The following L3MBTL4 variants were observed in gnomAD, a reference collection of about 807,000 sequenced individuals.
The protein encoded by L3MBTL4 is L3MBTL histone methyl-lysine binding protein 4.
Under a neutral mutation model 84.5 loss-of-function variants are expected in L3MBTL4, and 70 were observed. The observed-to-expected ratio is 0.83, with a 90% CI of 0.68 to 1.01. The LOEUF is 1.01. Among genes scored for constraint, L3MBTL4 ranks in the 50% least tolerant of loss-of-function variants. L3MBTL4 has a pLI of 0.00. For missense variants in L3MBTL4, 715 were observed against 754.8 expected (o/e 0.95, Z 0.62); for synonymous variants, 274 against 259.8 (o/e 1.05, Z -0.52).
At chr18:6,044,535 G>A (rs530755401) in intron 16 of L3MBTL4, among the ~76,000 whole-genome samples, 3 of 152,332 alleles carry the variant, frequency 2.0e-5, no homozygotes, top group Non-Finnish European at 4.4e-5. Flanking sequence ...TGAATAAGAA[G>A]TAGAGGTGTT....
chr18:6,239,328 G>A (rs918677845), intron 9 of L3MBTL4, among the ~76,000 whole-genome samples: 1 of 134,148 alleles, frequency 7.5e-6, no homozygotes, highest in Non-Finnish European at 1.5e-5. Flanking sequence ...GCGACAGAGC[G>A]AGACTCCGTC....
Position 6,036,392 on chromosome 18 carries a change from C to T in L3MBTL4, c.1444+44489G>A, listed in dbSNP as rs577156006. On this transcript the variant is annotated intron_variant, in intron 16 of 18. Coordinates refer to ENST00000317931, the MANE Select transcript of L3MBTL4 (RefSeq NM_001330559.2). ...GTTTTTTTTTCCTGCTCAAATCTCC[C>T]TTTGAAGCCCTCTAGTAAAATTTTC... Among the ~76,000 whole-genome samples the T allele has an allele frequency of 4.6e-5, 7 of 152,210 alleles. No homozygotes were observed. In the East Asian group the frequency reaches 1.2e-3, roughly 25 times the overall value.
At position 5,958,041 on chromosome 18, in the gene L3MBTL4, G is replaced by A. The variant is rs377439539; in HGVS notation, c.1678-1654C>T. On this transcript the variant is annotated intron_variant, in intron 18 of 18. Coordinates refer to ENST00000317931, the MANE Select transcript of L3MBTL4 (RefSeq NM_001330559.2). ...GGAGAAGGAGAAAGAGGAGGAGGAG[G>A]AGGAGAAGGAGAAGGAGAAGGAGAA... Among the ~76,000 whole-genome samples the A allele has an allele frequency of 1.8e-3, 239 of 135,936 alleles. 1 individual carries two copies. Among genetic ancestry groups the A allele is most frequent in the Non-Finnish European group, 2.9e-3 (193 of 65,518 alleles). The allele number at this position is 135,936 out of a possible 152,430, so 89.2% of individuals were successfully genotyped here. A position where few individuals can be genotyped will look rare whatever the true frequency, so the allele number is the denominator to read the frequency against.
intron 16 of L3MBTL4, among the ~76,000 whole-genome samples, chr18:6,040,512 C>T (rs888107141): frequency 1.3e-5 from 2 of 152,208 alleles, no homozygotes; most frequent in Admixed American, 1.3e-4. Flanking sequence ...CTACTCCATA[C>T]TGCAAACAAT....
intron 13 of L3MBTL4, among the ~76,000 whole-genome samples, chr18:6,138,610 TGGCGCATCTC>T (rs1016738707): frequency 4.3e-4 from 66 of 152,282 alleles, no homozygotes; most frequent in African/African-American, 1.5e-3. Context: ...TGGAATGCAG[TGGCGCATCTC>T]GGCTCACTGC....
At chr18:6,071,815 G>GGAAA (rs201264000) in intron 16 of L3MBTL4, among the ~76,000 whole-genome samples, 32 of 116,282 alleles carry the variant, frequency 2.8e-4, no homozygotes, top group Admixed American at 5.0e-4. Flanking sequence ...AAGAAAGAAA[G>GGAAA]GAAAGAAAGA....
chr18:6,049,201 T>C (rs2056753872), intron 16 of L3MBTL4, among the ~76,000 whole-genome samples: 1 of 152,194 alleles, frequency 6.6e-6, no homozygotes, highest in African/African-American at 2.4e-5. Flanking sequence ...AATATTGGCC[T>C]TGAATTTGAC....
At chr18:6,309,728 G>A (rs1030436244) in intron 3 of L3MBTL4, among the ~76,000 whole-genome samples, 9 of 152,112 alleles carry the variant, frequency 5.9e-5, no homozygotes, top group African/African-American at 2.2e-4. Flanking sequence ...AGAGGCAAAC[G>A]GTTAAATACT....
intron 1 of L3MBTL4, among the ~76,000 whole-genome samples, chr18:6,340,629 A>G (rs979290545): frequency 1.3e-5 from 2 of 152,114 alleles, no homozygotes; most frequent in Non-Finnish European, 2.9e-5. Flanking sequence ...ACAGCCAGCC[A>G]TGGATCCTGC....
chr18:6,190,851 T>C (rs988636493), intron 12 of L3MBTL4, among the ~76,000 whole-genome samples: 1 of 151,740 alleles, frequency 6.6e-6, no homozygotes, highest in African/African-American at 2.4e-5. Context: ...GGGTTAGAGA[T>C]TTGGGCGTAT....
At chr18:6,245,512 A>C (rs897381227) in intron 5 of L3MBTL4, among the ~76,000 whole-genome samples, 6 of 151,904 alleles carry the variant, frequency 3.9e-5, no homozygotes, top group African/African-American at 1.2e-4. Flanking sequence ...AGTAAAATAT[A>C]TCAATTATTT....
chr18:6,273,618 G>T (rs1480089893), intron 4 of L3MBTL4, among the ~76,000 whole-genome samples: 1 of 152,230 alleles, frequency 6.6e-6, no homozygotes. Context: ...TACATTTGCG[G>T]ACAGCTGGGG....
intron 13 of L3MBTL4, among the ~76,000 whole-genome samples, chr18:6,143,026 A>C (rs540831067): frequency 2.0e-5 from 3 of 152,344 alleles, no homozygotes; most frequent in South Asian, 2.1e-4. Flanking sequence ...TATGCAAGCT[A>C]TCATTACAAA....
intron 1 of L3MBTL4, among the ~76,000 whole-genome samples, chr18:6,361,706 C>T (rs1711563180): frequency 6.6e-6 from 1 of 152,158 alleles, no homozygotes; most frequent in Non-Finnish European, 1.5e-5. Flanking sequence ...TCTGCTTCTT[C>T]AGCTGGCTGC....
rs2054323101 is a variant in L3MBTL4 at position 6,003,529 on chromosome 18, C to T, written c.1445-33967G>A. On this transcript the variant is annotated intron_variant, in intron 16 of 18. Transcript: ENST00000317931. ...AGAAGATAAGTAAATAAACAGAGGA[C>T]TTGTATGACACAATAAACCAATGAG... 3.3e-5 allele frequency among the ~76,000 whole-genome samples: 5 copies of T among 151,948 alleles called. No homozygotes were observed. In the South Asian group the frequency reaches 1.0e-3, roughly 32 times the overall value.
chr18:6,208,094 G>A (rs554244981), intron 12 of L3MBTL4, among the ~76,000 whole-genome samples: 4 of 151,004 alleles, frequency 2.6e-5, no homozygotes, highest in East Asian at 1.9e-4. Flanking sequence ...TAGCCTAGGC[G>A]ACAAAACAAG....
intron 10 of L3MBTL4, among the ~76,000 whole-genome samples, chr18:6,216,856 A>G (rs1384870993): frequency 6.6e-6 from 1 of 152,180 alleles, no homozygotes; most frequent in African/African-American, 2.4e-5. Context: ...TTACTACATA[A>G]TAGTTTCAGA....
chr18:6,386,610 C>T (rs163751), intron 1 of L3MBTL4, among the ~76,000 whole-genome samples: 6 of 151,930 alleles, frequency 3.9e-5, no homozygotes, highest in Non-Finnish European at 8.8e-5. Context: ...CTACCACAGG[C>T]GGATCTGAAC....
At chr18:6,175,770 T>C (rs1172663101) in intron 12 of L3MBTL4, among the ~76,000 whole-genome samples, 1 of 152,140 alleles carries the variant, frequency 6.6e-6, no homozygotes, top group Non-Finnish European at 1.5e-5. Flanking sequence ...AAATCAAGAA[T>C]AAGGCAAGTT....
Sources: gnomAD v4.1 joint callset for allele counts (sites outside exome capture counted in the v4.1 genomes callset) on GRCh38, gnomAD v4.1.1 for gene constraint, MANE v1.5 for transcripts, NCBI Gene and HGNC (gene_info 2026-07-23, HGNC 2026-07-21) for gene names.